The following SPECC1 variants were observed in gnomAD, a reference collection of about 807,000 sequenced individuals.
The protein encoded by SPECC1 is sperm antigen with calponin homology and coiled-coil domains 1, also known as cytospin-B.
Under a neutral mutation model 104.1 loss-of-function variants are expected in SPECC1, and 62 were observed. The ratio of observed to expected loss-of-function variants is 0.60; its 90% confidence interval spans 0.49 to 0.74. The LOEUF (loss-of-function observed/expected upper bound fraction) is 0.74, where lower values mean the gene tolerates loss of function less well. Among genes scored for constraint, SPECC1 ranks in the 30% least tolerant of loss-of-function variants. The probability of loss-of-function intolerance (pLI) is 0.00; values close to 1 mark genes in which losing one functional copy is unlikely to be tolerated. For synonymous variants in SPECC1, 513 were observed against 501.6 expected (o/e 1.02, Z -0.30); for missense variants, 1,306 against 1,310.5 (o/e 1.00, Z 0.05).
chr17:20,027,983 C>A (rs551936315), intron 1 of SPECC1, among the ~76,000 whole-genome samples: 4 of 152,262 alleles, frequency 2.6e-5, no homozygotes, highest in African/African-American at 7.2e-5. Flanking sequence ...TCTAAGAATT[C>A]TTTGTCAAAC....
At chr17:20,297,130 A>C (rs1215632410) in intron 13 of SPECC1, 53 bp downstream of exon 13, 1 of 1,512,898 alleles carries the variant, frequency 6.6e-7, no homozygotes, top group Non-Finnish European at 9.1e-7. Flanking sequence ...CAGGAGTCCT[A>C]ATTGATAAAC....
At chr17:20,259,455 G>A (rs985049169) in intron 11 of SPECC1, among the ~76,000 whole-genome samples, 2 of 152,146 alleles carry the variant, frequency 1.3e-5, no homozygotes, top group Middle Eastern at 6.8e-3. Flanking sequence ...ATAAACAATG[G>A]CAAGATATTT....
chr17:20,047,390 G>A (rs1469415172), intron 1 of SPECC1, among the ~76,000 whole-genome samples: 2 of 152,288 alleles, frequency 1.3e-5, no homozygotes, highest in East Asian at 3.9e-4. Context: ...TGTGTTGGTA[G>A]AATCACCAGC....
chr17:20,025,651 G>T (rs2044570791), intron 1 of SPECC1, among the ~76,000 whole-genome samples: 1 of 152,116 alleles, frequency 6.6e-6, no homozygotes, highest in South Asian at 2.1e-4. Flanking sequence ...TTGCTGTTAT[G>T]AATAATGTTG....
In SPECC1 at chr17:20,089,109, G is replaced by A. The variant is rs556903250; in HGVS notation, c.-21-7522G>A. On this transcript the variant is annotated intron_variant, in intron 1 of 14. Coordinates refer to ENST00000395527, the MANE Select transcript of SPECC1 (RefSeq NM_001243439.2). Reference sequence around the variant, plus strand: ...CCAAATGGACTCAGACGGTGTGTAAGGGGAGCAGTAGGCCAGGGTTAGGCA... The same window carrying A: ...CCAAATGGACTCAGACGGTGTGTAAAGGGAGCAGTAGGCCAGGGTTAGGCA... Among the ~76,000 whole-genome samples, 5 of 152,320 alleles carry A rather than the reference G, an allele frequency of 3.3e-5. No individual in the cohort carries two copies. The East Asian group carries it at 5.8e-4, about 18-fold the overall frequency.
At chr17:20,032,650 C>G (rs2044864523) in intron 1 of SPECC1, among the ~76,000 whole-genome samples, 1 of 151,936 alleles carries the variant, frequency 6.6e-6, no homozygotes, top group Non-Finnish European at 1.5e-5. Context: ...TTGATATTCT[C>G]TATTTGGAGT....
At chr17:20,020,467 C>T (rs556316447) in intron 1 of SPECC1, among the ~76,000 whole-genome samples, 1 of 152,236 alleles carries the variant, frequency 6.6e-6, no homozygotes, top group African/African-American at 2.4e-5. Flanking sequence ...TCCAGAGTAG[C>T]TAACTACAGG....
intron 7 of SPECC1, chr17:20,237,052 C>G: frequency 2.7e-6 from 4 of 1,468,822 alleles, no homozygotes; most frequent in Non-Finnish European, 3.6e-6. Flanking sequence ...CGAGTCTCTG[C>G]TTTTTGTCCA....
chr17:20,020,846 T>A (rs1452209344), intron 1 of SPECC1, among the ~76,000 whole-genome samples: 1 of 152,182 alleles, frequency 6.6e-6, no homozygotes, highest in Non-Finnish European at 1.5e-5. Flanking sequence ...TACTTTTGTG[T>A]ATATACAGTT....
At chr17:20,094,788 CAG>C (rs1341334364) in intron 1 of SPECC1, among the ~76,000 whole-genome samples, 11 of 152,012 alleles carry the variant, frequency 7.2e-5, no homozygotes, top group Non-Finnish European at 1.0e-4. Flanking sequence ...TTTGTAGAGA[CAG>C]AGTCTTGCTA....
At chr17:20,294,766 A>T (rs930582949) in intron 12 of SPECC1, among the ~76,000 whole-genome samples, 2 of 152,146 alleles carry the variant, frequency 1.3e-5, no homozygotes, top group Non-Finnish European at 2.9e-5. Flanking sequence ...AAATGCTGGC[A>T]TGTACAAAAC....
At chr17:20,096,111 A>G (rs2152504758) in intron 1 of SPECC1, 1 of 152,490 alleles carries the variant, frequency 6.6e-6, no homozygotes, top group South Asian at 2.1e-4. Flanking sequence ...GGGTCTGACC[A>G]ATTAAAATAT....
chr17:20,155,806 G>GCAGCCGGT (rs2032417739), intron 3 of SPECC1: 1 of 586,168 alleles, frequency 1.7e-6, no homozygotes, highest in Non-Finnish European at 2.2e-6. Context: ...GCGGAGGCCT[G>GCAGCCGGT]CAGCCGGTCA....
intron 1 of SPECC1, among the ~76,000 whole-genome samples, chr17:20,088,184 G>A (rs2047251269): frequency 6.6e-6 from 1 of 152,170 alleles, no homozygotes; most frequent in Non-Finnish European, 1.5e-5. Context: ...AGAAGCCACT[G>A]GGGGGTTCTG....
intron 3 of SPECC1, among the ~76,000 whole-genome samples, chr17:20,136,050 G>T (rs778732850): frequency 8.5e-5 from 13 of 152,120 alleles, no homozygotes; most frequent in Non-Finnish European, 1.6e-4. Context: ...TGTAGAAAGG[G>T]CCTACACACC....
At chr17:20,311,373 ATTTT>A (rs749854561) in intron 14 of SPECC1, among the ~76,000 whole-genome samples, 2 of 146,296 alleles carry the variant, frequency 1.4e-5, no homozygotes, top group Non-Finnish European at 3.0e-5. Context: ...CTTCCAGTAC[ATTTT>A]TTTTTTGTTT....
intron 7 of SPECC1, among the ~76,000 whole-genome samples, chr17:20,233,806 T>C (rs911512756): frequency 3.9e-5 from 6 of 152,250 alleles, no homozygotes; most frequent in Non-Finnish European, 7.3e-5. Context: ...GTGGCCTCTG[T>C]GTCTGCTTTT....
chr17:20,099,812 G>A (rs942015149), intron 2 of SPECC1, among the ~76,000 whole-genome samples: 17 of 151,786 alleles, frequency 1.1e-4, no homozygotes, highest in African/African-American at 3.9e-4. Flanking sequence ...CCATTGATAG[G>A]TTCATGTTTT....
At chr17:20,276,298 T>G (rs1465093238) in intron 12 of SPECC1, among the ~76,000 whole-genome samples, 2 of 152,084 alleles carry the variant, frequency 1.3e-5, no homozygotes, top group African/African-American at 4.8e-5. Flanking sequence ...TTAAAAAATT[T>G]TTTTAGAGAC....
Sources: allele counts gnomAD v4.1 joint callset (sites outside exome capture counted in the v4.1 genomes callset), GRCh38; gene constraint gnomAD v4.1.1; transcripts MANE v1.5; gene names NCBI Gene and HGNC (gene_info 2026-07-23, HGNC 2026-07-21).